Variants in PPA2 observed in about 807,000 individuals in gnomAD.
The protein encoded by PPA2 is inorganic pyrophosphatase 2.
Under a neutral mutation model 49.5 loss-of-function variants are expected in PPA2, and 48 were observed. The observed-to-expected ratio is 0.97, with a 90% confidence interval of 0.77 to 1.23. The LOEUF (loss-of-function observed/expected upper bound fraction) is 1.23. Ranked by LOEUF, PPA2 falls within the 50% of genes most tolerant of loss-of-function variation. The pLI is 0.00. For synonymous variants in PPA2, 131 were observed against 139.9 expected (o/e 0.94, Z 0.45); for missense variants, 429 against 410.1 (o/e 1.05, Z -0.40).
chr4:105,441,788 C>T (rs73836210), intron 5 of PPA2, among the ~76,000 whole-genome samples: 1,915 of 151,896 alleles, frequency 0.013, 45 homozygotes, highest in African/African-American at 0.042. Flanking sequence ...AAAACAAATC[C>T]TTCTCATTTT....
chr4:105,467,122 G>A (rs377035543), intron 1 of PPA2, among the ~76,000 whole-genome samples: 3 of 152,346 alleles, frequency 2.0e-5, no homozygotes. Context: ...ATGTTTGCCT[G>A]TCATTCCTGG....
chr4:105,372,184 G>C (rs1422376628), intron 10 of PPA2, among the ~76,000 whole-genome samples: 1 of 152,168 alleles, frequency 6.6e-6, no homozygotes, highest in Non-Finnish European at 1.5e-5. Context: ...GTCTAGAATG[G>C]GGGCATGCCT....
chr4:105,434,444 A>C (rs572169254), intron 6 of PPA2, among the ~76,000 whole-genome samples: 10 of 152,262 alleles, frequency 6.6e-5, no homozygotes, highest in African/African-American at 2.4e-4. Flanking sequence ...ATATCCTAAG[A>C]CATTTTGGGT....
chr4:105,390,278 T>C (rs1270177154), intron 9 of PPA2, among the ~76,000 whole-genome samples: 1 of 151,942 alleles, frequency 6.6e-6, no homozygotes, highest in East Asian at 1.9e-4. Context: ...TAAAACACCA[T>C]AAACAATTAC....
chr4:105,394,955 A>G (rs868855807), intron 9 of PPA2, among the ~76,000 whole-genome samples: 3 of 152,174 alleles, frequency 2.0e-5, no homozygotes, highest in South Asian at 4.1e-4. Context: ...CCCACAAAGA[A>G]TAGCTCACTC....
intron 7 of PPA2, among the ~76,000 whole-genome samples, chr4:105,400,355 A>C (rs1459767783): frequency 6.6e-6 from 1 of 152,132 alleles, no homozygotes; most frequent in East Asian, 1.9e-4. Flanking sequence ...CAAGATAAAT[A>C]ATTTTCTAGG....
chr4:105,394,395 G>GA (rs66802514), intron 9 of PPA2, among the ~76,000 whole-genome samples: 48,558 of 137,266 alleles, frequency 0.35, 10,086 homozygotes, highest in East Asian at 0.66. Flanking sequence ...AAAAAAGAAA[G>GA]AAAAAAAAAG....
chr4:105,472,463 G>A (rs1213937456), intron 1 of PPA2, among the ~76,000 whole-genome samples: 1 of 152,100 alleles, frequency 6.6e-6, no homozygotes, highest in Non-Finnish European at 1.5e-5. Flanking sequence ...CGTACTTATT[G>A]CAAATCTAGA....
chr4:105,416,254 G>A (rs2726468), intron 7 of PPA2, among the ~76,000 whole-genome samples: 92,105 of 151,994 alleles, frequency 0.61, 27,914 homozygotes, highest in East Asian at 0.68. Context: ...TCTCCACCCA[G>A]CCATAACACA....
At chr4:105,425,727 C>CAA (rs112441622) in intron 6 of PPA2, among the ~76,000 whole-genome samples, 1 of 128,626 alleles carries the variant, frequency 7.8e-6, no homozygotes, top group African/African-American at 3.8e-5. Flanking sequence ...TGCACATACA[C>CAA]ACACACACAC....
rs778534602 is a variant in PPA2, at chr4:105,438,035, G to C, written c.443C>G (p.Thr148Ser). ...ATCTTTTTCATGGGGATCTTCCCAA[G>C]TCTAAAATTTTTTTTTTAAAAAAAA... ...YIWNYGTLPQ[T>S]WEDPHEKDKS... The change falls in exon 6 of 12, where the codon ACT (threonine) becomes AGT (serine). Residue 148 changes from threonine to serine, a missense_variant and splice_region_variant. Coordinates refer to ENST00000341695, the MANE Select transcript of PPA2 (RefSeq NM_176869.3). 2.5e-6 allele frequency: 4 copies of C among 1,597,740 alleles called. No homozygotes were observed. Among genetic ancestry groups the C allele is most frequent in the East Asian group, 2.2e-5 (1 of 44,672 alleles).
intron 10 of PPA2, among the ~76,000 whole-genome samples, chr4:105,382,189 A>G (rs1448407527): frequency 6.6e-6 from 1 of 152,044 alleles, no homozygotes; most frequent in African/African-American, 2.4e-5. Flanking sequence ...TTTCAAACAC[A>G]TGAACTTGTG....
chr4:105,438,094 A>T, intron 5 of PPA2, 58 bp from the exon 6 acceptor site: 1 of 1,185,018 alleles, frequency 8.4e-7, no homozygotes, highest in Non-Finnish European at 1.2e-6. Flanking sequence ...AATGTACTTT[A>T]ATCTTTCCAC....
intron 2 of PPA2, among the ~76,000 whole-genome samples, chr4:105,455,384 T>C (rs1259070058): frequency 1.3e-5 from 2 of 152,252 alleles, no homozygotes; most frequent in East Asian, 3.9e-4. Flanking sequence ...TTTCCTTCTA[T>C]TGTCCTGGAG....
At chr4:105,414,214 A>C (rs148082289) in intron 7 of PPA2, among the ~76,000 whole-genome samples, 1 of 152,248 alleles carries the variant, frequency 6.6e-6, no homozygotes, top group African/African-American at 2.4e-5. Flanking sequence ...ACTCTCATAC[A>C]CTGATGATAC....
chr4:105,451,434 G>C (rs1314672675), intron 3 of PPA2, among the ~76,000 whole-genome samples: 4 of 152,164 alleles, frequency 2.6e-5, no homozygotes, highest in African/African-American at 9.7e-5. Flanking sequence ...CTCAATAGCT[G>C]CTCCTTAGAA....
At chr4:105,456,197 G>A in intron 2 of PPA2, 1 of 477,352 alleles carries the variant, frequency 2.1e-6, no homozygotes, top group East Asian at 5.6e-5. Flanking sequence ...TGGTTAAAGA[G>A]CATAAGCTTT....
At chr4:105,462,640 C>T (rs926662008) in intron 1 of PPA2, among the ~76,000 whole-genome samples, 7 of 152,206 alleles carry the variant, frequency 4.6e-5, no homozygotes, top group Admixed American at 1.3e-4. Context: ...AATGTTAATA[C>T]ACCTTTTTAT....
At chr4:105,398,373 C>T (rs1190862308) in intron 8 of PPA2, 1 of 151,824 alleles carries the variant, frequency 6.6e-6, no homozygotes, top group African/African-American at 2.4e-5. Flanking sequence ...AGCAAAATAC[C>T]CATTATAAAT....
Sources: gnomAD v4.1 joint callset for allele counts (sites outside exome capture counted in the v4.1 genomes callset) on GRCh38, gnomAD v4.1.1 for gene constraint, MANE v1.5 for transcripts, NCBI Gene and HGNC (gene_info 2026-07-23, HGNC 2026-07-21) for gene names.